ZNF207: variants seen among roughly 807,000 people sequenced by gnomAD.
ZNF207 encodes the protein BUB3-interacting and GLEBS motif-containing protein ZNF207.
In ZNF207, 24 loss-of-function variants were observed where a neutral mutation model predicts 60.2. The observed-to-expected ratio is 0.40, with a 90% confidence interval of 0.29 to 0.56. The LOEUF is 0.56. Ranked by LOEUF, ZNF207 falls within the 20% of genes least tolerant of loss-of-function variation. ZNF207 has a pLI of 0.49. For synonymous variants in ZNF207, 236 were observed against 194.7 expected, an observed-to-expected ratio of 1.21 and a Z score of -1.77; for missense variants, 452 against 636.6, an observed-to-expected ratio of 0.71 and a Z score of 3.12.
intron 2 of ZNF207, among the ~76,000 whole-genome samples, chr17:32,354,361 G>T (rs1904378103): frequency 6.6e-6 from 1 of 151,984 alleles, no homozygotes; most frequent in Non-Finnish European, 1.5e-5. Context: ...ATTTTGAAAC[G>T]GAGTTTTGCT....
At chr17:32,357,114 G>A (rs762162230) in intron 2 of ZNF207, among the ~76,000 whole-genome samples, 9 of 151,682 alleles carry the variant, frequency 5.9e-5, no homozygotes, top group East Asian at 1.9e-4. Flanking sequence ...CTTGGGAGGC[G>A]GAGGTTGCAG....
At chr17:32,356,640 A>G (rs965657758) in intron 2 of ZNF207, among the ~76,000 whole-genome samples, 2 of 152,200 alleles carry the variant, frequency 1.3e-5, no homozygotes, top group East Asian at 3.8e-4. Context: ...AAATATATCT[A>G]AGTCATTAGC....
Position 32,377,882 on chromosome 17 carries a change from C to T in ZNF207, c.*8123C>T, listed in dbSNP as rs1173469608. 1 of 152,106 alleles carries T rather than the reference C, an allele frequency of 6.6e-6. No homozygotes were observed. The highest frequency in any genetic ancestry group is 3.2e-3 in the Middle Eastern group (1 of 316). The allele number at this position is 152,106 out of a possible 1,614,324, so 9.4% of individuals were successfully genotyped here. A position where few individuals can be genotyped will look rare whatever the true frequency, so the allele number is the denominator to read the frequency against. ...TTTTTAAACTATGGATTGAACTCCTCAGTTTAATACAATTTGTGTTTTTGT... is the reference window on the plus strand; with the variant it reads ...TTTTTAAACTATGGATTGAACTCCTTAGTTTAATACAATTTGTGTTTTTGT... On this transcript the variant is annotated 3_prime_UTR_variant, in exon 12 of 12. Transcript: ENST00000394670.
chr17:32,362,875 T>G (rs755299850), intron 6 of ZNF207, 39 bp from the exon 7 acceptor site: 2 of 1,576,618 alleles, frequency 1.3e-6, no homozygotes, highest in Non-Finnish European at 1.7e-6. Context: ...TTTATGCTGT[T>G]CATTAACTTA....
chr17:32,365,247 T>C, intron 7 of ZNF207, 83 bp from the exon 8 acceptor site: 1 of 1,428,104 alleles, frequency 7.0e-7, no homozygotes, highest in Non-Finnish European at 9.6e-7. Context: ...AGTTAATTGT[T>C]AATAACTTTG....
At chr17:32,362,242 ACCT>A (rs1904930941) in intron 6 of ZNF207, among the ~76,000 whole-genome samples, 1 of 151,910 alleles carries the variant, frequency 6.6e-6, no homozygotes, top group Non-Finnish European at 1.5e-5. Flanking sequence ...TGCAGCCTTG[ACCT>A]CCTGGGCTCA....
intron 3 of ZNF207, among the ~76,000 whole-genome samples, chr17:32,360,118 C>G (rs1156409964): frequency 7.0e-6 from 1 of 142,392 alleles, no homozygotes; most frequent in Non-Finnish European, 1.5e-5. Flanking sequence ...AATTTCAGTG[C>G]TTTAGGTAGC....
chr17:32,358,406 C>T lies in ZNF207; in HGVS notation c.169-97C>T, dbSNP rs189265540. 1.4e-4 allele frequency: 177 copies of T among 1,223,232 alleles called. 1 individual carries two copies. The highest frequency in any genetic ancestry group is 1.2e-4 in the Non-Finnish European group (106 of 910,392). The allele number at this position is 1,223,232 out of a possible 1,614,324, so 75.8% of individuals were successfully genotyped here. On this transcript the variant is annotated intron_variant, in intron 2 of 11. Transcript: ENST00000394670. Reference sequence around the variant, plus strand: ...ACTGGGAATTGGCTCTACATGGCCTCACTATAGAACATTTATTCTTTATAC... The same window carrying T: ...ACTGGGAATTGGCTCTACATGGCCTTACTATAGAACATTTATTCTTTATAC...
At chr17:32,369,205 C>G (rs527488935) in intron 10 of ZNF207, 90 bp from the exon 11 acceptor site, 34 of 1,470,712 alleles carry the variant, frequency 2.3e-5, no homozygotes, top group Non-Finnish European at 2.9e-5. Flanking sequence ...GAAAATTACT[C>G]TTAACGTTGT....
At chr17:32,350,615 T>C (rs2041484352) in intron 1 of ZNF207, among the ~76,000 whole-genome samples, 1 of 152,116 alleles carries the variant, frequency 6.6e-6, no homozygotes, top group Admixed American at 6.5e-5. Flanking sequence ...AGGGACAGTG[T>C]CCCCTAGGGA....
At chr17:32,350,771 T>C (rs2041488763) in intron 1 of ZNF207, 1 of 155,884 alleles carries the variant, frequency 6.4e-6, no homozygotes. Flanking sequence ...TTTATGTGTG[T>C]TTTGTGTTTA....
chr17:32,357,348 A>ATTTTTTTTTTTTT lies in ZNF207; in HGVS notation c.169-1153_169-1152insTTTTTTTTTTTTT, dbSNP rs772462101. ...TATTATTATTATTATTATTATTATT[A>ATTTTTTTTTTTTT]TTATTTTTTTTTTTTTTTGAGACAG... is the stretch of plus-strand genomic sequence containing the variant. On this transcript the variant is annotated intron_variant, in intron 2 of 11. Coordinates refer to ENST00000394670, the MANE Select transcript of ZNF207 (RefSeq NM_001098507.2). Among the ~76,000 whole-genome samples the ATTTTTTTTTTTTT allele has an allele frequency of 3.9e-5, 3 of 77,658 alleles. 1 individual carries two copies. The highest frequency in any genetic ancestry group is 2.0e-4 in the African/African-American group (3 of 15,056). 50.9% of individuals were successfully genotyped at this position (77,658 alleles called of 152,430 possible).
At position 32,362,900 on chromosome 17, in the gene ZNF207, T is replaced by A; in HGVS notation, c.600-14T>A. The stretch of plus-strand genomic sequence containing the variant: ...TCATTAACTTACTGTTTCTTGAAAT[T>A]TGCTTTCTAATAGAATGATGCCAAT... On this transcript the variant is annotated splice_polypyrimidine_tract_variant and intron_variant, in intron 6 of 11. Transcript: ENST00000394670. 6.2e-7 allele frequency: 1 copy of A among 1,612,322 alleles called. No individual in the cohort carries two copies. Among genetic ancestry groups the A allele is most frequent in the Non-Finnish European group, 8.5e-7 (1 of 1,179,352 alleles).
rs1267927097 is a variant in ZNF207 at position 32,365,182 on chromosome 17, GAATGTTGCATGGGGCAAATGCCT to G, written c.671-145_671-123del. Reference sequence around the variant, plus strand: ...CAAAGGAAGGGAAAATTTAAGGTAAGAATGTTGCATGGGGCAAATGCCTAAGTTCCTTGGATTTAGTCGAGTCA... The same window carrying G: ...CAAAGGAAGGGAAAATTTAAGGTAAGAAGTTCCTTGGATTTAGTCGAGTCA... On this transcript the variant is annotated intron_variant, in intron 7 of 11. Coordinates refer to ENST00000394670, the MANE Select transcript of ZNF207 (RefSeq NM_001098507.2). 339 of 823,838 alleles carry G rather than the reference GAATGTTGCATGGGGCAAATGCCT, an allele frequency of 4.1e-4. 2 individuals are homozygous for G. The East Asian group carries it at 8.7e-3, about 21-fold the overall frequency. 51.0% of individuals were successfully genotyped at this position (823,838 alleles called of 1,614,324 possible).
chr17:32,361,317 T>C, intron 5 of ZNF207, 151 bp from the exon 6 acceptor site: 1 of 603,004 alleles, frequency 1.7e-6, no homozygotes, highest in Non-Finnish European at 2.8e-6. Context: ...AATGATTTAT[T>C]TGTCAAAGCA....
chr17:32,366,361 TGTCA>T (rs1269213066), intron 8 of ZNF207, among the ~76,000 whole-genome samples: 3 of 152,320 alleles, frequency 2.0e-5, no homozygotes, highest in East Asian at 3.9e-4. Context: ...TGGATTGAAG[TGTCA>T]GTATTTGTAC....
At position 32,377,237 on chromosome 17, in the gene ZNF207, A is replaced by G. The variant is rs879666520; in HGVS notation, c.*7478A>G. On this transcript the variant is annotated 3_prime_UTR_variant, in exon 12 of 12. Coordinates refer to ENST00000394670, the MANE Select transcript of ZNF207 (RefSeq NM_001098507.2). ...TTTGTTAGTGAGGTCTCACCATAGT[A>G]TTTTAATGTAGCTTCTTATTAAAAT... The G allele has an allele frequency of 2.0e-5, 3 of 152,002 alleles. No homozygotes were observed. Among genetic ancestry groups the G allele is most frequent in the Non-Finnish European group, 2.9e-5 (2 of 67,892 alleles). The allele number at this position is 152,002 out of a possible 1,614,324, so 9.4% of individuals were successfully genotyped here. A position where few individuals can be genotyped will look rare whatever the true frequency, so the allele number is the denominator to read the frequency against.
In ZNF207 at chr17:32,377,332, T is replaced by C. The variant is rs1475700121; in HGVS notation, c.*7573T>C. ...GATTTGCACCATCATATCCGAGTCT[T>C]TACTAATAAAATGAGGCTGCTTAAG... On this transcript the variant is annotated 3_prime_UTR_variant, in exon 12 of 12. Coordinates refer to ENST00000394670, the MANE Select transcript of ZNF207 (RefSeq NM_001098507.2). 1.3e-5 allele frequency: 2 copies of C among 151,980 alleles called. No homozygotes were observed. Among genetic ancestry groups the C allele is most frequent in the African/African-American group, 2.4e-5 (1 of 41,422 alleles). The allele number at this position is 151,980 out of a possible 1,614,324, so 9.4% of individuals were successfully genotyped here.
intron 2 of ZNF207, among the ~76,000 whole-genome samples, chr17:32,352,973 A>G (rs1389209697): frequency 6.6e-6 from 1 of 152,178 alleles, no homozygotes; most frequent in Non-Finnish European, 1.5e-5. Context: ...TCAGGAGTTC[A>G]AGACAGCCTG....
Sources: gnomAD v4.1 joint callset for allele counts (sites outside exome capture counted in the v4.1 genomes callset) on GRCh38, gnomAD v4.1.1 for gene constraint, MANE v1.5 for transcripts, NCBI Gene and HGNC (gene_info 2026-07-23, HGNC 2026-07-21) for gene names.